The following CSGALNACT1 variants were observed in gnomAD, a reference collection of about 807,000 sequenced individuals.
The protein encoded by CSGALNACT1 is chondroitin sulfate N-acetylgalactosaminyltransferase 1, also known as beta4GalNAcT-1.
Under a neutral mutation model 51.0 loss-of-function variants are expected in CSGALNACT1, and 52 were observed. That is an observed-to-expected ratio of 1.02 (90% CI 0.82 to 1.29). The LOEUF (loss-of-function observed/expected upper bound fraction) is 1.29, where lower values mean the gene tolerates loss of function less well. Among genes scored for constraint, CSGALNACT1 ranks in the 50% most tolerant of loss-of-function variants. CSGALNACT1 has a pLI of 0.00. For missense variants in CSGALNACT1, 935 were observed against 679.2 expected (o/e 1.38, Z -4.19); for synonymous variants, 341 against 254.4 (o/e 1.34, Z -3.24).
intron 6 of CSGALNACT1, among the ~76,000 whole-genome samples, chr8:19,435,862 T>C (rs2060291701): frequency 6.6e-6 from 1 of 152,188 alleles, no homozygotes; most frequent in African/African-American, 2.4e-5. Flanking sequence ...AGGAATATAT[T>C]ACGCATCCTT....
At chr8:19,543,413 T>C (rs993817768) in intron 3 of CSGALNACT1, among the ~76,000 whole-genome samples, 3 of 152,232 alleles carry the variant, frequency 2.0e-5, no homozygotes, top group Non-Finnish European at 4.4e-5. Context: ...AAGTTCTCTA[T>C]ACGTATGTGA....
chr8:19,476,185 G>C (rs555484621), intron 4 of CSGALNACT1, among the ~76,000 whole-genome samples: 1 of 152,230 alleles, frequency 6.6e-6, no homozygotes, highest in East Asian at 1.9e-4. Context: ...TTAAAACTTG[G>C]CCTATAGGAA....
chr8:19,404,620 A>T (rs1003336312), exon 10 of CSGALNACT1: 6 of 440,636 alleles, frequency 1.4e-5, no homozygotes, highest in African/African-American at 1.0e-4. Flanking sequence ...ATATATATAT[A>T]TATTTTTTTC....
chr8:19,658,486 C>A (rs1229702147), intron 1 of CSGALNACT1, among the ~76,000 whole-genome samples: 2 of 152,174 alleles, frequency 1.3e-5, no homozygotes, highest in Non-Finnish European at 2.9e-5. Flanking sequence ...GTAATCCCAG[C>A]ACTCTGGCAG....
At chr8:19,484,011 T>C (rs946379630) in intron 4 of CSGALNACT1, among the ~76,000 whole-genome samples, 5 of 152,152 alleles carry the variant, frequency 3.3e-5, no homozygotes, top group African/African-American at 1.2e-4. Flanking sequence ...AGGATGTGAA[T>C]CATCACTTTG....
At chr8:19,454,629 C>A (rs189766962) in intron 5 of CSGALNACT1, among the ~76,000 whole-genome samples, 289 of 152,244 alleles carry the variant, frequency 1.9e-3, no homozygotes, top group African/African-American at 6.4e-3. Flanking sequence ...TAAGGTTCTG[C>A]CACTGCACTC....
At chr8:19,597,653 A>AG (rs2049252225) in intron 2 of CSGALNACT1, among the ~76,000 whole-genome samples, 1 of 152,162 alleles carries the variant, frequency 6.6e-6, no homozygotes, top group African/African-American at 2.4e-5. Flanking sequence ...AAAGTGCCGG[A>AG]GTCCGATCCC....
intron 5 of CSGALNACT1, among the ~76,000 whole-genome samples, chr8:19,455,868 T>C (rs1268169910): frequency 6.6e-6 from 1 of 152,230 alleles, no homozygotes; most frequent in East Asian, 1.9e-4. Flanking sequence ...TCAATTCATC[T>C]TCTGATCCCC....
At chr8:19,480,623 G>A (rs571231820) in intron 4 of CSGALNACT1, among the ~76,000 whole-genome samples, 4 of 152,278 alleles carry the variant, frequency 2.6e-5, no homozygotes, top group African/African-American at 9.6e-5. Flanking sequence ...TTTCCTTTGA[G>A]TATTTTAAAC....
chr8:19,618,752 G>A (rs959605272), intron 1 of CSGALNACT1, among the ~76,000 whole-genome samples: 16 of 151,882 alleles, frequency 1.1e-4, no homozygotes, highest in Admixed American at 2.6e-4. Context: ...CAGTTCAGAC[G>A]GGGGACATGA....
exon 1 of CSGALNACT1, chr8:19,602,050 T>C (rs1485530273): frequency 9.4e-6 from 3 of 320,650 alleles, no homozygotes; most frequent in East Asian, 1.6e-4. Context: ...ATGCAAACTA[T>C]TTGTTTAAAA....
intron 3 of CSGALNACT1, among the ~76,000 whole-genome samples, chr8:19,562,672 T>G (rs1178551368): frequency 1.3e-5 from 2 of 152,052 alleles, no homozygotes; most frequent in Non-Finnish European, 2.9e-5. Context: ...AAGAAACATA[T>G]GAAGAAAAGC....
At chr8:19,467,677 T>C (rs1468482535) in intron 4 of CSGALNACT1, among the ~76,000 whole-genome samples, 1 of 152,168 alleles carries the variant, frequency 6.6e-6, no homozygotes, top group Non-Finnish European at 1.5e-5. Flanking sequence ...TGATGGATTG[T>C]ATTCTATATC....
chr8:19,515,321 C>G (rs1008887602), intron 3 of CSGALNACT1, among the ~76,000 whole-genome samples: 1 of 152,212 alleles, frequency 6.6e-6, no homozygotes, highest in African/African-American at 2.4e-5. Flanking sequence ...TAGGCTCAGC[C>G]TTCAAGATGC....
At chr8:19,640,487 A>G (rs2056613879) in intron 1 of CSGALNACT1, among the ~76,000 whole-genome samples, 1 of 152,168 alleles carries the variant, frequency 6.6e-6, no homozygotes, top group African/African-American at 2.4e-5. Flanking sequence ...TGAGTCCCAA[A>G]CACAGCCATA....
chr8:19,566,941 C>T (rs968044697), intron 3 of CSGALNACT1, among the ~76,000 whole-genome samples: 13 of 152,190 alleles, frequency 8.5e-5, no homozygotes, highest in African/African-American at 3.1e-4. Context: ...AGCCAGGAGA[C>T]TCCAGGTATG....
At chr8:19,580,512 A>C (rs1163687448) in intron 3 of CSGALNACT1, among the ~76,000 whole-genome samples, 2 of 152,236 alleles carry the variant, frequency 1.3e-5, no homozygotes, top group African/African-American at 4.8e-5. Flanking sequence ...AATTATCATA[A>C]TGGTTGATTT....
At chr8:19,661,193 C>T (rs779429955) in intron 1 of CSGALNACT1, among the ~76,000 whole-genome samples, 8 of 151,954 alleles carry the variant, frequency 5.3e-5, no homozygotes, top group Non-Finnish European at 1.0e-4. Flanking sequence ...GGATTAGAGG[C>T]GTAAGCCACC....
At chr8:19,449,273 G>T (rs2062667815) in intron 5 of CSGALNACT1, among the ~76,000 whole-genome samples, 1 of 152,142 alleles carries the variant, frequency 6.6e-6, no homozygotes, top group Non-Finnish European at 1.5e-5. Flanking sequence ...CTAAATACAT[G>T]AATGATATAG....
Sources: gnomAD v4.1 joint callset for allele counts (sites outside exome capture counted in the v4.1 genomes callset) on GRCh38, gnomAD v4.1.1 for gene constraint, MANE v1.5 for transcripts, NCBI Gene and HGNC (gene_info 2026-07-23, HGNC 2026-07-21) for gene names.